Variants in NR2C1 observed in about 807,000 individuals in gnomAD.
NR2C1 encodes the protein nuclear receptor subfamily 2 group C member 1, also known as TR2 nuclear hormone receptor.
Under a neutral mutation model 74.8 loss-of-function variants are expected in NR2C1, and 33 were observed. The ratio of observed to expected loss-of-function variants is 0.44; its 90% CI spans 0.33 to 0.59. The LOEUF (loss-of-function observed/expected upper bound fraction) is 0.59, where lower values mean the gene tolerates loss of function less well. Among genes scored for constraint, NR2C1 ranks in the 20% least tolerant of loss-of-function variants. The pLI is 0.02. For missense variants in NR2C1, 568 were observed against 715.6 expected (o/e 0.79, Z 2.35); for synonymous variants, 225 against 240.6 (o/e 0.94, Z 0.60).
At chr12:95,028,841 C>T (rs1241099286) in intron 11 of NR2C1, among the ~76,000 whole-genome samples, 1 of 152,162 alleles carries the variant, frequency 6.6e-6, no homozygotes, top group Non-Finnish European at 1.5e-5. Flanking sequence ...GTTGCCCAGG[C>T]TGTTCTTGAA....
intron 2 of NR2C1, 109 bp from the exon 3 acceptor site, chr12:95,062,847 T>C: frequency 1.3e-6 from 1 of 771,362 alleles, no homozygotes; most frequent in East Asian, 2.7e-5. Flanking sequence ...AACACACACG[T>C]ACCTTTTAAA....
intron 7 of NR2C1, 152 bp downstream of exon 7, chr12:95,057,401 A>G: frequency 1.7e-6 from 1 of 589,746 alleles, no homozygotes; most frequent in Non-Finnish European, 2.8e-6. Flanking sequence ...CACTGTGCCC[A>G]GCCGAACATT....
At position 95,059,834 on chromosome 12, in the gene NR2C1, T is replaced by C; in HGVS notation, c.364+72A>G. On this transcript the variant is annotated intron_variant, in intron 4 of 13. Coordinates refer to ENST00000333003, the MANE Select transcript of NR2C1 (RefSeq NM_003297.4). ...AGAAGAAACATGGTAGTGTGGTAGT[T>C]ATTTCAACAACACGACACATATAGG... The C allele has an allele frequency of 3.8e-6, 4 of 1,047,164 alleles. No homozygotes were observed. The South Asian group carries it at 4.6e-5, about 12-fold the overall frequency. 64.9% of individuals were successfully genotyped at this position (1,047,164 alleles called of 1,614,324 possible). A position where few individuals can be genotyped will look rare whatever the true frequency, so the allele number is the denominator to read the frequency against.
intron 10 of NR2C1, among the ~76,000 whole-genome samples, chr12:95,040,214 GCCATAGTCTTATCAATTCT>G (rs1435391922): frequency 2.6e-5 from 4 of 152,078 alleles, no homozygotes; most frequent in Non-Finnish European, 5.9e-5. Context: ...ACAAATGCTA[GCCATAGTCTTATCAATTCT>G]ACTGATCATA....
intron 11 of NR2C1, among the ~76,000 whole-genome samples, chr12:95,028,786 C>T (rs562555237): frequency 4.0e-5 from 6 of 151,898 alleles, no homozygotes; most frequent in African/African-American, 7.3e-5. Flanking sequence ...CATGCCACCG[C>T]GCCCAGCTAA....
At position 95,060,001 on chromosome 12, in the gene NR2C1, A is replaced by G. The variant is rs566242121; in HGVS notation, c.286-17T>C. The G allele has an allele frequency of 1.9e-5, 29 of 1,548,092 alleles. No individual in the cohort carries two copies. The highest frequency in any genetic ancestry group is 1.3e-4 in the East Asian group (6 of 44,446). ...TGTTAGGAGCTAAAAAAAAAAAAAA[A>G]AAAAAAGAAAACAAAAACGAAAACC... On this transcript the variant is annotated splice_polypyrimidine_tract_variant and intron_variant, in intron 3 of 13. Coordinates refer to ENST00000333003, the MANE Select transcript of NR2C1 (RefSeq NM_003297.4).
chr12:95,043,689 C>CCAAAAAAAAAAAAAAAAA (rs575940640), intron 9 of NR2C1, among the ~76,000 whole-genome samples: 1 of 94,290 alleles, frequency 1.1e-5, no homozygotes, highest in African/African-American at 4.0e-5. Flanking sequence ...GACTCTGTCT[C>CCAAAAAAAAAAAAAAAAA]AAAAAAAAAA....
At chr12:95,030,693 T>C (rs1869984398) in intron 11 of NR2C1, 1 of 1,602,360 alleles carries the variant, frequency 6.2e-7, no homozygotes, top group African/African-American at 1.4e-5. Context: ...AAATAGAATA[T>C]GCTAAAGAAC....
At chr12:95,028,344 C>T (rs1188158737) in intron 12 of NR2C1, 43 bp downstream of exon 12, 22 of 1,538,118 alleles carry the variant, frequency 1.4e-5, no homozygotes, top group Non-Finnish European at 1.7e-5. Flanking sequence ...TTCTCCACAT[C>T]GTGAAACATT....
intron 10 of NR2C1, among the ~76,000 whole-genome samples, chr12:95,035,944 G>A (rs555340686): frequency 9.9e-5 from 15 of 152,280 alleles, no homozygotes; most frequent in African/African-American, 3.6e-4. Flanking sequence ...TACAGACACT[G>A]GGCCTCATTT....
At chr12:95,037,671 G>A (rs890946262) in intron 10 of NR2C1, among the ~76,000 whole-genome samples, 4 of 152,142 alleles carry the variant, frequency 2.6e-5, no homozygotes, top group South Asian at 4.2e-4. Flanking sequence ...CCAGGCAGGC[G>A]GATCACGAGG....
intron 10 of NR2C1, among the ~76,000 whole-genome samples, chr12:95,039,479 A>G (rs1871242691): frequency 6.6e-6 from 1 of 152,174 alleles, no homozygotes; most frequent in Non-Finnish European, 1.5e-5. Context: ...AAAACTTTCT[A>G]ACTATGGGCT....
intron 7 of NR2C1, among the ~76,000 whole-genome samples, chr12:95,056,975 AGACTTT>A (rs1223302033): frequency 9.5e-5 from 14 of 147,454 alleles, no homozygotes; most frequent in Middle Eastern, 3.5e-3. Context: ...AAAAAAAAAA[AGACTTT>A]TACACCTATA....
chr12:95,067,107 A>C, intron 2 of NR2C1: 1 of 555,286 alleles, frequency 1.8e-6, no homozygotes, highest in Admixed American at 3.6e-5. Flanking sequence ...ATTCCTTTCA[A>C]TTTTCTTCTG....
chr12:95,031,362 A>G lies in NR2C1; in HGVS notation c.1380T>C (p.Asn460=), dbSNP rs1224641813. Residue 460 remains asparagine (N), a synonymous_variant, in exon 11 of 14, where the codon AAT becomes AAC. Transcript: ENST00000333003. ...ILATFVNCLH[N]SLQQDKMSTE... Reference sequence around the variant, plus strand: ...GGTGCTTTTTACCTTGTTGAAGACTATTGTGAAGACAATTGACAAATGTTG... The same window carrying G: ...GGTGCTTTTTACCTTGTTGAAGACTGTTGTGAAGACAATTGACAAATGTTG... 3.1e-6 allele frequency: 5 copies of G among 1,600,806 alleles called. No homozygotes were observed. Among genetic ancestry groups the G allele is most frequent in the African/African-American group, 1.3e-5 (1 of 74,186 alleles).
At position 95,022,143 on chromosome 12, in the gene NR2C1, C is replaced by G; in HGVS notation, c.*86G>C. On this transcript the variant is annotated 3_prime_UTR_variant, in exon 14 of 14. Coordinates refer to ENST00000333003, the MANE Select transcript of NR2C1 (RefSeq NM_003297.4). Reference sequence around the variant, plus strand: ...GGTTACTTTTTAAAGTAAAAATTTCCAGATGCCTCAAAAGCAGTGAGTTCA... The same window carrying G: ...GGTTACTTTTTAAAGTAAAAATTTCGAGATGCCTCAAAAGCAGTGAGTTCA... 1.8e-6 allele frequency: 2 copies of G among 1,085,488 alleles called. No homozygotes were observed. 67.2% of individuals were successfully genotyped at this position (1,085,488 alleles called of 1,614,324 possible).
At chr12:95,026,352 A>G (rs945352116) in intron 12 of NR2C1, among the ~76,000 whole-genome samples, 1 of 152,206 alleles carries the variant, frequency 6.6e-6, no homozygotes, top group Non-Finnish European at 1.5e-5. Flanking sequence ...TATCAGAAAA[A>G]TAACAGAAAC....
intron 11 of NR2C1, chr12:95,030,797 C>G (rs781176026): frequency 5.6e-6 from 9 of 1,613,220 alleles, no homozygotes; most frequent in Non-Finnish European, 7.6e-6. Flanking sequence ...AGTCATAAGC[C>G]ATTCTATAGT....
intron 3 of NR2C1, among the ~76,000 whole-genome samples, chr12:95,060,883 T>G (rs932010637): frequency 6.6e-6 from 1 of 152,198 alleles, no homozygotes; most frequent in African/African-American, 2.4e-5. Context: ...TCATTTCTTC[T>G]TATATCACCA....
Sources: gnomAD v4.1 joint callset for allele counts (sites outside exome capture counted in the v4.1 genomes callset) on GRCh38, gnomAD v4.1.1 for gene constraint, MANE v1.5 for transcripts, NCBI Gene and HGNC (gene_info 2026-07-23, HGNC 2026-07-21) for gene names.